SMURF1: variants seen among roughly 807,000 people sequenced by gnomAD.
SMURF1 encodes SMAD specific E3 ubiquitin protein ligase 1.
SMURF1 carries 44 observed loss-of-function variants against 98.0 expected under a neutral mutation model. That is an observed-to-expected ratio of 0.45 (90% confidence interval 0.35 to 0.58). The LOEUF (loss-of-function observed/expected upper bound fraction) is 0.58, where lower values mean the gene tolerates loss of function less well. Ranked by LOEUF, SMURF1 falls within the 20% of genes least tolerant of loss-of-function variation. The pLI, the probability that SMURF1 is intolerant of heterozygous loss-of-function variation, is 0.00. For missense variants in SMURF1, 687 were observed against 938.4 expected (o/e 0.73, Z 3.50); for synonymous variants, 396 against 374.9 (o/e 1.06, Z -0.65).
rs1795772848 is a variant in SMURF1, at chr7:99,052,260, C to T, written c.666G>A (p.Gln222=). The change falls in exon 7 of 18, where the codon CAG becomes CAA. Residue 222 remains glutamine, a synonymous_variant. Coordinates refer to ENST00000361368, the MANE Select transcript of SMURF1 (RefSeq NM_181349.3). ...LRNPDVRGSL[Q]TPQNRPHGHQ... is the part of the protein sequence containing the mutation. ...GGCCGTGTGGTCGGTTCTGGGGCGT[C>T]TGTAGTGAACCTCGCACATCAGGGT... The T allele has an allele frequency of 6.2e-7, 1 of 1,609,482 alleles. No individual in the cohort carries two copies. The highest frequency in any genetic ancestry group is 1.3e-5 in the African/African-American group (1 of 74,884).
chr7:99,089,212 AAAG>A (rs1796751576), intron 1 of SMURF1, among the ~76,000 whole-genome samples: 1 of 150,736 alleles, frequency 6.6e-6, no homozygotes, highest in South Asian at 2.1e-4. Context: ...AAAAAAAAAA[AAAG>A]AAAGAAATCA....
chr7:99,030,125 T>C lies in SMURF1; in HGVS notation c.*459A>G, dbSNP rs1794824521. The C allele has an allele frequency of 6.3e-6, 1 of 158,602 alleles. No individual in the cohort carries two copies. The highest frequency in any genetic ancestry group is 1.4e-5 in the Non-Finnish European group (1 of 71,452). The allele number at this position is 158,602 out of a possible 1,614,324, so 9.8% of individuals were successfully genotyped here. A position where few individuals can be genotyped will look rare whatever the true frequency, so the allele number is the denominator to read the frequency against. On this transcript the variant is annotated 3_prime_UTR_variant, in exon 18 of 18. Coordinates refer to ENST00000361368, the MANE Select transcript of SMURF1 (RefSeq NM_181349.3). ...CTGGAATCTGAGCTCTGATAAGATA[T>C]CTAGCAGCTGCTCAAATTGAAAAGG... is the stretch of plus-strand genomic sequence containing the variant.
At chr7:99,032,833 GTC>G (rs1794960701) in intron 17 of SMURF1, 4 of 752,104 alleles carry the variant, frequency 5.3e-6, no homozygotes, top group East Asian at 2.5e-5. Flanking sequence ...CGGGGGGAAA[GTC>G]TCTTGCTTGA....
intron 1 of SMURF1, among the ~76,000 whole-genome samples, chr7:99,107,651 T>C (rs1797222234): frequency 1.3e-5 from 2 of 152,182 alleles, no homozygotes. Context: ...AAACGATCTT[T>C]CTGTCCTATT....
chr7:99,051,365 C>G lies in SMURF1; in HGVS notation c.798G>C (p.Arg266Ser), dbSNP rs748441867. 3.1e-6 allele frequency: 5 copies of G among 1,613,994 alleles called. No homozygotes were observed. In the South Asian group the frequency reaches 5.5e-5, roughly 18 times the overall value. The change falls in exon 8 of 18, where the codon AGG (arginine) becomes AGC (serine). Residue 266 changes from arginine (R) to serine (S), a missense_variant. Physicochemically the swap from Arg to Ser is moderately radical, Grantham distance 110. Around this residue, in one of 2 missense-constraint regions of SMURF1, gnomAD observed 415 missense variants for 508.4 expected, o/e 0.82. Coordinates refer to ENST00000361368, the MANE Select transcript of SMURF1 (RefSeq NM_181349.3). The part of the protein sequence containing the change: ...QTGVSTWHDP[R>S]IPRDLNSVNC... ...CATTTCAGGAGGCTTACCTTGGTAT[C>G]CTGGGGTCGTGCCACGTGCTAACTC...
At chr7:99,088,368 C>A (rs1208724563) in intron 1 of SMURF1, among the ~76,000 whole-genome samples, 1 of 152,062 alleles carries the variant, frequency 6.6e-6, no homozygotes, top group Non-Finnish European at 1.5e-5. Context: ...TGCTCAGGGT[C>A]CCCTGGCAAC....
rs184794630 is a variant in SMURF1 at position 99,106,669 on chromosome 7, G to A, written c.55+37057C>T. Among the ~76,000 whole-genome samples, 13 of 152,228 alleles carry A rather than the reference G, an allele frequency of 8.5e-5. No homozygotes were observed. The South Asian group carries it at 1.2e-3, about 15-fold the overall frequency. On this transcript the variant is annotated intron_variant, in intron 1 of 17. Transcript: ENST00000361368. ...GTGGTGTATGCCTGTAATCCCAACC[G>A]CTCAGGAGGCAGAGGCAGGATCGCT...
rs1798210367 is a variant in SMURF1, at chr7:99,143,874, T to C, written c.-94A>G. The C allele has an allele frequency of 1.7e-6, 2 of 1,185,700 alleles. No individual in the cohort carries two copies. The highest frequency in any genetic ancestry group is 2.2e-6 in the Non-Finnish European group (2 of 899,338). The allele number at this position is 1,185,700 out of a possible 1,614,324, so 73.4% of individuals were successfully genotyped here. On this transcript the variant is annotated 5_prime_UTR_variant, in exon 1 of 18. Coordinates refer to ENST00000361368, the MANE Select transcript of SMURF1 (RefSeq NM_181349.3). ...GCCGCCGCCGCCTCAAGGTTACGGC[T>C]CCGGGCTGGGCGCCGGGGTCCGAGC...
chr7:99,029,027 T>C lies in SMURF1; in HGVS notation c.*1557A>G, dbSNP rs1350528591. ...TGGCCTGGACTTTTGGAATGGGGGA[T>C]TAAACTTTCCTCCTGCAGCAAACCT... On this transcript the variant is annotated 3_prime_UTR_variant, in exon 18 of 18. Coordinates refer to ENST00000361368, the MANE Select transcript of SMURF1 (RefSeq NM_181349.3). The C allele has an allele frequency of 6.6e-6, 1 of 152,432 alleles. No individual in the cohort carries two copies. The highest frequency in any genetic ancestry group is 1.5e-5 in the Non-Finnish European group (1 of 68,096). The allele number at this position is 152,432 out of a possible 1,614,324, so 9.4% of individuals were successfully genotyped here. A position where few individuals can be genotyped will look rare whatever the true frequency, so the allele number is the denominator to read the frequency against.
intron 1 of SMURF1, among the ~76,000 whole-genome samples, chr7:99,138,410 T>C (rs1415059646): frequency 6.6e-6 from 1 of 151,718 alleles, no homozygotes; most frequent in Non-Finnish European, 1.5e-5. Context: ...TTGTCTTTTT[T>C]TCTTTCTTAA....
At chr7:99,045,839 T>C (rs1368066785) in intron 10 of SMURF1, 38 bp from the exon 11 acceptor site, 1 of 1,491,640 alleles carries the variant, frequency 6.7e-7, no homozygotes. Flanking sequence ...AGAAGAACAT[T>C]CTTATTCTTA....
At position 99,143,876 on chromosome 7, in the gene SMURF1, C is replaced by G. The variant is rs1409025890; in HGVS notation, c.-96G>C. The stretch of plus-strand genomic sequence containing the variant: ...CGCCGCCGCCTCAAGGTTACGGCTC[C>G]GGGCTGGGCGCCGGGGTCCGAGCCG... On this transcript the variant is annotated 5_prime_UTR_variant, in exon 1 of 18. Transcript: ENST00000361368. 1.9e-5 allele frequency: 22 copies of G among 1,146,430 alleles called. No individual in the cohort carries two copies. The East Asian group carries it at 6.8e-4, about 35-fold the overall frequency. The allele number at this position is 1,146,430 out of a possible 1,614,324, so 71.0% of individuals were successfully genotyped here. A position where few individuals can be genotyped will look rare whatever the true frequency, so the allele number is the denominator to read the frequency against.
At chr7:99,076,834 CATGTGT>C (rs750720537) in intron 1 of SMURF1, among the ~76,000 whole-genome samples, 8 of 124,358 alleles carry the variant, frequency 6.4e-5, no homozygotes, top group Admixed American at 1.5e-4. Flanking sequence ...CACGTGTGCC[CATGTGT>C]ATGTGTGTGC....
intron 3 of SMURF1, 26 bp from the exon 4 acceptor site, chr7:99,057,577 T>C (rs1795909516): frequency 3.9e-6 from 6 of 1,522,506 alleles, no homozygotes; most frequent in Non-Finnish European, 5.2e-6. Flanking sequence ...AAAACTCATT[T>C]TTAATTGTGT....
chr7:99,109,670 C>T (rs1797278019), intron 1 of SMURF1, among the ~76,000 whole-genome samples: 1 of 152,220 alleles, frequency 6.6e-6, no homozygotes, highest in South Asian at 2.1e-4. Flanking sequence ...TCCTCATATT[C>T]AATCTCTTCC....
intron 1 of SMURF1, among the ~76,000 whole-genome samples, chr7:99,123,161 C>T (rs1797679239): frequency 1.3e-5 from 2 of 151,682 alleles, no homozygotes; most frequent in Admixed American, 1.3e-4. Flanking sequence ...ATATGCAATA[C>T]ATAATAATAA....
At chr7:99,069,194 T>C (rs1444433062) in intron 1 of SMURF1, among the ~76,000 whole-genome samples, 2 of 152,166 alleles carry the variant, frequency 1.3e-5, no homozygotes, top group African/African-American at 2.4e-5. Flanking sequence ...TACATAAATG[T>C]TTCGACTGCT....
intron 1 of SMURF1, among the ~76,000 whole-genome samples, chr7:99,141,468 C>A (rs1336564587): frequency 6.6e-6 from 1 of 152,180 alleles, no homozygotes; most frequent in Non-Finnish European, 1.5e-5. Context: ...GTATTACAAT[C>A]TCAAAAATGT....
intron 1 of SMURF1, among the ~76,000 whole-genome samples, chr7:99,097,144 GT>G (rs1796972209): frequency 6.6e-6 from 1 of 152,044 alleles, no homozygotes; most frequent in African/African-American, 2.4e-5. Context: ...AAGATTAAAT[GT>G]TTTTATTAGA....
Sources: allele counts gnomAD v4.1 joint callset (sites outside exome capture counted in the v4.1 genomes callset), GRCh38; gene constraint gnomAD v4.1.1; regional missense constraint gnomAD v4.1.1; transcripts MANE v1.5; gene names NCBI Gene and HGNC (gene_info 2026-07-23, HGNC 2026-07-21).